Variants in PRAG1 observed in about 807,000 individuals in gnomAD.
The protein encoded by PRAG1 is PEAK1 related, kinase-activating pseudokinase 1, also known as inactive tyrosine-protein kinase PRAG1.
PRAG1 carries 110 observed loss-of-function variants against 95.6 expected under a neutral mutation model. That is an observed-to-expected ratio of 1.15 (90% CI 0.99 to 1.35). PRAG1 has a LOEUF of 1.35. Ranked by LOEUF, PRAG1 falls within the 40% of genes most tolerant of loss-of-function variation. PRAG1 has a pLI of 0.00. For missense variants in PRAG1, 2,554 were observed against 1,864.7 expected (o/e 1.37, Z -6.81); for synonymous variants, 1,052 against 819.4 (o/e 1.28, Z -4.85).
intron 5 of PRAG1, 100 bp downstream of exon 5, chr8:8,327,610 T>C: frequency 7.4e-7 from 1 of 1,350,198 alleles, no homozygotes; most frequent in South Asian, 1.5e-5. Flanking sequence ...ACTCCCCTCC[T>C]AATGCCCAGA....
intron 3 of PRAG1, among the ~76,000 whole-genome samples, chr8:8,357,036 A>G (rs528405798): frequency 1.4e-4 from 21 of 152,340 alleles, no homozygotes; most frequent in African/African-American, 4.8e-4. Context: ...TTATCTAAAA[A>G]TGGGTAAGAG....
intron 2 of PRAG1, among the ~76,000 whole-genome samples, chr8:8,380,893 G>A (rs1344805335): frequency 6.6e-6 from 1 of 150,930 alleles, no homozygotes; most frequent in Non-Finnish European, 1.5e-5. Flanking sequence ...GTGTGATAAT[G>A]GTATTGTGGT....
chr8:8,327,614 G>T (rs1321391818), intron 5 of PRAG1, 96 bp downstream of exon 5: 4 of 1,371,004 alleles, frequency 2.9e-6, no homozygotes, highest in Admixed American at 2.3e-5. Context: ...CCCTCCTAAT[G>T]CCCAGACAGG....
intron 1 of PRAG1, among the ~76,000 whole-genome samples, chr8:8,384,243 G>C (rs993155719): frequency 1.3e-5 from 2 of 152,054 alleles, no homozygotes; most frequent in African/African-American, 4.8e-5. Flanking sequence ...TTGTTTTTGC[G>C]GAAGGGGTGA....
Position 8,328,367 on chromosome 8 carries a change from G to C in PRAG1, c.2415C>G (p.Ser805=), listed in dbSNP as rs748898707. Residue 805 remains serine, a synonymous_variant, in exon 5 of 6, where the codon TCC becomes TCG. Transcript: ENST00000615670. ...PFPSGSTEDV[S]PSGPQQPPPL... is the part of the protein sequence containing the mutation. ...GAGGGGGCTGCTGGGGGCCACTGGG[G>C]GACACGTCCTCAGTGGAGCCTGAAG... 1 of 1,613,564 alleles carries C rather than the reference G, an allele frequency of 6.2e-7. No individual in the cohort carries two copies. The highest frequency in any genetic ancestry group is 8.5e-7 in the Non-Finnish European group (1 of 1,179,870).
At chr8:8,359,723 G>A (rs1799789441) in intron 3 of PRAG1, among the ~76,000 whole-genome samples, 1 of 152,154 alleles carries the variant, frequency 6.6e-6, no homozygotes, top group Non-Finnish European at 1.5e-5. Context: ...ATGTATTGGA[G>A]GAATTCGTAG....
chr8:8,325,769 C>A (rs943489466), intron 5 of PRAG1, among the ~76,000 whole-genome samples: 1 of 151,750 alleles, frequency 6.6e-6, no homozygotes, highest in Non-Finnish European at 1.5e-5. Flanking sequence ...ATTAGCCAGG[C>A]GTGGTGAGGG....
chr8:8,372,640 C>T (rs375265603), intron 3 of PRAG1, among the ~76,000 whole-genome samples: 3 of 152,186 alleles, frequency 2.0e-5, no homozygotes, highest in Non-Finnish European at 4.4e-5. Flanking sequence ...GCATGGAGAG[C>T]CTTTCTCCTG....
In PRAG1 at chr8:8,378,961, GGATCAGGGTGAGGGGTGGTTTCTGAACCA is replaced by G. The variant is rs1477417803; in HGVS notation, c.331-912_331-884del. 2.0e-5 allele frequency among the ~76,000 whole-genome samples: 3 copies of G among 152,056 alleles called. No homozygotes were observed. The East Asian group carries it at 5.8e-4, about 29-fold the overall frequency. ...GAGGGTGAGGGGTGGTTTCTGAACCGGATCAGGGTGAGGGGTGGTTTCTGAACCAGATCAGAGTGAGGGGTAGTTTCTGA... is the reference window on the plus strand; with the variant it reads ...GAGGGTGAGGGGTGGTTTCTGAACCGGATCAGAGTGAGGGGTAGTTTCTGA... On this transcript the variant is annotated intron_variant, in intron 2 of 5. Transcript: ENST00000615670.
chr8:8,322,674 C>T (rs1201896995), intron 5 of PRAG1, among the ~76,000 whole-genome samples: 2 of 152,172 alleles, frequency 1.3e-5, no homozygotes, highest in Non-Finnish European at 2.9e-5. Context: ...TGTGTTCTCA[C>T]TCAAGCCTGC....
chr8:8,321,491 C>T (rs943329675), intron 5 of PRAG1, among the ~76,000 whole-genome samples: 1 of 152,190 alleles, frequency 6.6e-6, no homozygotes, highest in African/African-American at 2.4e-5. Context: ...TGCATATACG[C>T]TGTGTTGTCA....
chr8:8,332,347 G>C (rs980475303), intron 4 of PRAG1, among the ~76,000 whole-genome samples: 4 of 151,926 alleles, frequency 2.6e-5, no homozygotes, highest in African/African-American at 9.7e-5. Context: ...ATTTTTAGTA[G>C]AGACGGGGTT....
At chr8:8,359,006 T>C (rs1371978754) in intron 3 of PRAG1, among the ~76,000 whole-genome samples, 1 of 152,226 alleles carries the variant, frequency 6.6e-6, no homozygotes, top group Non-Finnish European at 1.5e-5. Context: ...AGTTAAAGTA[T>C]ATGTATATAT....
At position 8,377,196 on chromosome 8, in the gene PRAG1, C is replaced by T. The variant is rs1349064283; in HGVS notation, c.1213G>A (p.Glu405Lys). ...GEPQPPAHPR[E>K]ATQPEPIYAE... The stretch of plus-strand genomic sequence containing the variant: ...TAGATGGGTTCAGGCTGTGTAGCCT[C>T]CCGGGGGTGGGCCGGGGGCTGGGGC... Residue 405 changes from glutamate (E) to lysine (K), a missense_variant, in exon 3 of 6, where the codon GAG becomes AAG. Physicochemically the swap from Glu to Lys is moderately conservative, Grantham distance 56 (BLOSUM62 1). Transcript: ENST00000615670. The T allele has an allele frequency of 1.2e-6, 2 of 1,611,592 alleles. No homozygotes were observed. The highest frequency in any genetic ancestry group is 1.7e-6 in the Non-Finnish European group (2 of 1,179,746).
chr8:8,381,157 A>AT (rs1800630081), intron 2 of PRAG1, among the ~76,000 whole-genome samples: 1 of 152,134 alleles, frequency 6.6e-6, no homozygotes, highest in Non-Finnish European at 1.5e-5. Flanking sequence ...AAAAAGCTTC[A>AT]TTTTTTGTCT....
chr8:8,351,079 T>G (rs1261867525), intron 3 of PRAG1, among the ~76,000 whole-genome samples: 1 of 152,146 alleles, frequency 6.6e-6, no homozygotes, highest in African/African-American at 2.4e-5. Flanking sequence ...GGGTAATGTA[T>G]AAAGAAAAGA....
Position 8,318,867 on chromosome 8 carries a change from G to T in PRAG1, c.3508C>A (p.Pro1170Thr). Reference sequence around the variant, plus strand: ...GCGGCGGCGGCGGGGGCGGGAGCCGGGGCGGGGGCGGGGGCGGGCCCGGGG... The same window carrying T: ...GCGGCGGCGGCGGGGGCGGGAGCCGTGGCGGGGGCGGGGGCGGGCCCGGGG... The part of the protein sequence containing the change: ...AGPGPAPAPA[P>T]APAPAAAAPP... Residue 1170 changes from proline to threonine, a missense_variant, in exon 6 of 6, where the codon CCG becomes ACG. Pro to Thr is a conservative substitution (Grantham distance 38, BLOSUM62 -1). Transcript: ENST00000615670. The surrounding 1 kb of genome is among the most constrained non-coding windows in gnomAD (Gnocchi z 4.2). 1.0e-5 allele frequency: 4 copies of T among 395,042 alleles called. No individual in the cohort carries two copies. Among genetic ancestry groups the T allele is most frequent in the Non-Finnish European group, 1.3e-5 (4 of 317,526 alleles). The allele number at this position is 395,042 out of a possible 1,614,324, so 24.5% of individuals were successfully genotyped here. A position where few individuals can be genotyped will look rare whatever the true frequency, so the allele number is the denominator to read the frequency against.
intron 3 of PRAG1, among the ~76,000 whole-genome samples, chr8:8,353,323 T>C (rs749657599): frequency 9.2e-5 from 14 of 152,194 alleles, no homozygotes; most frequent in Non-Finnish European, 1.9e-4. Context: ...ACAAGTCTTA[T>C]AAATTCAGGA....
At chr8:8,321,276 G>C (rs1798464538) in intron 5 of PRAG1, among the ~76,000 whole-genome samples, 1 of 152,132 alleles carries the variant, frequency 6.6e-6, no homozygotes, top group Non-Finnish European at 1.5e-5. Context: ...GTACAGACAA[G>C]GTTTTGCCAT....
Sources: allele counts gnomAD v4.1 joint callset (sites outside exome capture counted in the v4.1 genomes callset), GRCh38; gene constraint gnomAD v4.1.1; non-coding constraint Gnocchi (gnomAD v3.1); transcripts MANE v1.5; gene names NCBI Gene and HGNC (gene_info 2026-07-23, HGNC 2026-07-21).